Variants in CFAP119 observed in about 807,000 individuals in gnomAD.
The protein encoded by CFAP119 is cilia- and flagella-associated protein 119.
the CFAP119 span, chr16:30,759,062 G>A: frequency 2.5e-6 from 4 of 1,614,206 alleles, no homozygotes; most frequent in Non-Finnish European, 3.4e-6. Flanking sequence ...TTTCTGCGGG[G>A]TAACTGCCTG....
the CFAP119 span, chr16:30,758,644 C>T: frequency 3.5e-6 from 1 of 285,796 alleles, no homozygotes. Context: ...CAGTCTCCAC[C>T]TCCTGGGTTC....
the CFAP119 span, chr16:30,758,993 G>C: frequency 6.2e-7 from 1 of 1,613,944 alleles, no homozygotes; most frequent in South Asian, 1.1e-5. Context: ...AGGGCAGCCT[G>C]CCCTCTCCAG....
chr16:30,759,730 A>T, the CFAP119 span: 1 of 1,603,760 alleles, frequency 6.2e-7, no homozygotes, highest in Non-Finnish European at 8.5e-7. Flanking sequence ...GGTTGCTGGT[A>T]GGGAAAGCAA....
At chr16:30,760,731 C>T in the CFAP119 span, 2 of 1,456,730 alleles carry the variant, frequency 1.4e-6, no homozygotes, top group Admixed American at 2.0e-5. Context: ...GCTGTGACAG[C>T]TAGTGCGTGA....
the CFAP119 span, chr16:30,757,535 T>C: frequency 1.2e-6 from 2 of 1,614,226 alleles, no homozygotes; most frequent in East Asian, 2.2e-5. Context: ...TCTAGTGCAG[T>C]CAACTTGCTG....
chr16:30,759,787 C>T, the CFAP119 span: 1 of 1,545,648 alleles, frequency 6.5e-7, no homozygotes, highest in Non-Finnish European at 8.7e-7. Context: ...TCACTTCACT[C>T]AACAGCTGTT....
chr16:30,761,394 A>G, the CFAP119 span: 10 of 1,383,232 alleles, frequency 7.2e-6, no homozygotes, highest in African/African-American at 1.4e-5. Flanking sequence ...CTACGCGAGC[A>G]CAGTAACCAC....
the CFAP119 span, chr16:30,760,707 C>T: frequency 9.8e-6 from 15 of 1,538,310 alleles, no homozygotes; most frequent in Non-Finnish European, 1.3e-5. Flanking sequence ...GTGGCCGTTA[C>T]CTATCATGAC....
chr16:30,761,809 C>T, the CFAP119 span: 2 of 1,427,944 alleles, frequency 1.4e-6, no homozygotes, highest in South Asian at 1.4e-5. Flanking sequence ...TCCAGGACAG[C>T]CAGCGCTCGG....
chr16:30,761,991 G>T, the CFAP119 span: 1 of 550,898 alleles, frequency 1.8e-6, no homozygotes, highest in Non-Finnish European at 3.2e-6. Flanking sequence ...CAGTGGGAGC[G>T]AAGAGAACGC....
chr16:30,761,949 A>G, the CFAP119 span: 1 of 591,280 alleles, frequency 1.7e-6, no homozygotes, highest in Non-Finnish European at 2.9e-6. Context: ...GGGGCTTGTG[A>G]GGGAAGGAAG....
chr16:30,760,741 A>G, the CFAP119 span: 2 of 1,402,998 alleles, frequency 1.4e-6, no homozygotes, highest in African/African-American at 2.9e-5. Context: ...CTAGTGCGTG[A>G]GACTGGGAGT....
chr16:30,759,965 A>C, the CFAP119 span: 1 of 1,450,380 alleles, frequency 6.9e-7, no homozygotes, highest in African/African-American at 1.4e-5. Context: ...CTAGGGGAAT[A>C]AACCAAGAAA....
chr16:30,759,736 A>G, the CFAP119 span: 4 of 1,599,398 alleles, frequency 2.5e-6, no homozygotes, highest in Non-Finnish European at 3.4e-6. Flanking sequence ...TGGTAGGGAA[A>G]GCAAGATGCA....
the CFAP119 span, chr16:30,762,017 G>C: frequency 1.9e-6 from 1 of 514,266 alleles, no homozygotes; most frequent in Non-Finnish European, 3.4e-6. Flanking sequence ...TACGTGAGAA[G>C]TTGCGAGTGC....
the CFAP119 span, chr16:30,760,674 AT>A: frequency 6.6e-7 from 1 of 1,523,974 alleles, no homozygotes; most frequent in South Asian, 1.2e-5. Context: ...ACTTCCTGTT[AT>A]AGTAAAAGAA....
At chr16:30,761,227 C>T in the CFAP119 span, 6 of 1,613,758 alleles carry the variant, frequency 3.7e-6, no homozygotes, top group Middle Eastern at 1.6e-4. Flanking sequence ...GGGGCAGCGG[C>T]GGCTGCGGAA....
At chr16:30,759,088 G>A in the CFAP119 span, 1 of 1,614,126 alleles carries the variant, frequency 6.2e-7, no homozygotes, top group South Asian at 1.1e-5. Flanking sequence ...CCATCTCCTT[G>A]CTTTCTTCTT....
chr16:30,759,485 CCTGA>C, the CFAP119 span: 1 of 1,614,162 alleles, frequency 6.2e-7, no homozygotes, highest in South Asian at 1.1e-5. Flanking sequence ...GAATTAGAAC[CCTGA>C]CTACCTTCCG....
Sources: allele counts gnomAD v4.1 joint callset, GRCh38; gene constraint gnomAD v4.1.1; transcripts MANE v1.5; gene names NCBI Gene and HGNC (gene_info 2026-07-23, HGNC 2026-07-21).